SHANK2: variants seen among roughly 807,000 people sequenced by gnomAD.
SHANK2 encodes the protein SH3 and multiple ankyrin repeat domains protein 2.
SHANK2 carries 43 observed loss-of-function variants against 133.7 expected under a neutral mutation model. That is an observed-to-expected ratio of 0.32 (90% CI 0.25 to 0.41). The LOEUF is 0.41. SHANK2 is among the 10% of genes least tolerant of loss of function. SHANK2 has a pLI of 1.00. For missense variants in SHANK2, 1,994 were observed against 2,235.8 expected, an observed-to-expected ratio of 0.89 and a Z score of 2.18; for synonymous variants, 1,017 against 952.8, an observed-to-expected ratio of 1.07 and a Z score of -1.24.
At chr11:71,136,812 G>A (rs1205925352) in intron 3 of SHANK2, among the ~76,000 whole-genome samples, 2 of 152,218 alleles carry the variant, frequency 1.3e-5, no homozygotes, top group African/African-American at 4.8e-5. Context: ...ACACCAGGAT[G>A]GTGGTGACAG....
At chr11:70,829,116 G>A (rs537214176) in intron 11 of SHANK2, among the ~76,000 whole-genome samples, 2 of 152,148 alleles carry the variant, frequency 1.3e-5, no homozygotes, top group East Asian at 3.9e-4. Flanking sequence ...CACCTCCCTG[G>A]GACCATGTGA....
chr11:70,922,319 A>G (rs2135765143), intron 10 of SHANK2, among the ~76,000 whole-genome samples: 1 of 7,106 alleles, frequency 1.4e-4, no homozygotes, highest in Non-Finnish European at 8.9e-3. Context: ...CAAATCCTAG[A>G]AGGAGAGATG....
chr11:70,663,100 C>T (rs372911483), intron 15 of SHANK2, among the ~76,000 whole-genome samples: 146 of 152,268 alleles, frequency 9.6e-4, no homozygotes, highest in African/African-American at 3.3e-3. Flanking sequence ...GCCAGCGGCC[C>T]AGCCGGAAAA....
At chr11:70,839,402 C>A (rs1555060967) in intron 11 of SHANK2, among the ~76,000 whole-genome samples, 1 of 152,220 alleles carries the variant, frequency 6.6e-6, no homozygotes, top group African/African-American at 2.4e-5. Flanking sequence ...CCAGCGCAGT[C>A]TCCCCAGGTC....
Position 71,092,539 on chromosome 11 carries a change from G to A in SHANK2, c.795C>T (p.Leu265=). 6.4e-7 allele frequency: 1 copy of A among 1,551,932 alleles called. No homozygotes were observed. Among genetic ancestry groups the A allele is most frequent in the Non-Finnish European group, 8.7e-7 (1 of 1,147,054 alleles). Residue 265 remains leucine (L), a synonymous_variant, in exon 8 of 26, where the codon CTC becomes CTT. Coordinates refer to ENST00000601538, the MANE Select transcript of SHANK2 (RefSeq NM_012309.5). ...CGATGGCTGTGTGATACAGCGGGGT[G>A]AGGCCGTAACTGTCTTTATAATCTG... The part of the protein sequence containing the change: ...ASPDYKDSYG[L]TPLYHTAIVG...
chr11:71,175,026 T>G lies in SHANK2; in HGVS notation c.-12-27688A>C, dbSNP rs1214696496. On this transcript the variant is annotated intron_variant, in intron 2 of 25. Coordinates refer to ENST00000601538, the MANE Select transcript of SHANK2 (RefSeq NM_012309.5). The surrounding 1 kb of genome is among the most constrained non-coding windows in gnomAD (Gnocchi z 4.2). ...CCCTCCTCCTCTCCCAGTTTACATG[T>G]CATGCTCTCAGATAAGCCTTCCCCG... Among the ~76,000 whole-genome samples the G allele has an allele frequency of 6.6e-6, 1 of 152,108 alleles. No homozygotes were observed. Among genetic ancestry groups the G allele is most frequent in the African/African-American group, 2.4e-5 (1 of 41,424 alleles).
intron 14 of SHANK2, among the ~76,000 whole-genome samples, chr11:70,775,979 G>C (rs1947356952): frequency 6.6e-6 from 1 of 152,228 alleles, no homozygotes. Context: ...ATGCTCTGGA[G>C]GTTGCAGCGG....
Position 71,252,301 on chromosome 11 carries a change from C to G in SHANK2, c.-113+124G>C, listed in dbSNP as rs988736254. ...TCTCTGGGTCCAGGACTGCGCTTACCCGGTAGTTGGTGCTCCCGGAATCGA... is the reference window on the plus strand; with the variant it reads ...TCTCTGGGTCCAGGACTGCGCTTACGCGGTAGTTGGTGCTCCCGGAATCGA... On this transcript the variant is annotated intron_variant, in intron 1 of 25. Coordinates refer to ENST00000601538, the MANE Select transcript of SHANK2 (RefSeq NM_012309.5). The surrounding 1 kb of genome is among the most constrained non-coding windows in gnomAD (Gnocchi z 6.3). 1.3e-5 allele frequency: 2 copies of G among 152,256 alleles called. No homozygotes were observed. The highest frequency in any genetic ancestry group is 2.4e-5 in the African/African-American group (1 of 41,448). 9.4% of individuals were successfully genotyped at this position (152,256 alleles called of 1,614,324 possible).
chr11:70,811,147 A>T (rs1387066183), intron 12 of SHANK2, among the ~76,000 whole-genome samples: 2 of 152,042 alleles, frequency 1.3e-5, no homozygotes, highest in African/African-American at 4.8e-5. Flanking sequence ...CTTCCTCCCG[A>T]GGGGAAAGGG....
intron 11 of SHANK2, among the ~76,000 whole-genome samples, chr11:70,880,915 A>G (rs1949649353): frequency 1.3e-5 from 2 of 152,246 alleles, no homozygotes; most frequent in South Asian, 4.1e-4. Flanking sequence ...GAGTCATGAG[A>G]CTAAGCAGGG....
chr11:70,777,396 T>C (rs996490669), intron 14 of SHANK2, among the ~76,000 whole-genome samples: 4 of 150,354 alleles, frequency 2.7e-5, no homozygotes, highest in Non-Finnish European at 5.9e-5. Context: ...TGTATTCATC[T>C]ACCCATCCAC....
intron 1 of SHANK2, among the ~76,000 whole-genome samples, chr11:71,248,395 C>T (rs76233609): frequency 0.014 from 2,107 of 152,334 alleles, 66 homozygotes; most frequent in African/African-American, 0.048. Flanking sequence ...CGCTGCCTGG[C>T]GGCTTTCTCC....
At chr11:71,072,167 A>T (rs1029099967) in intron 9 of SHANK2, among the ~76,000 whole-genome samples, 17 of 152,190 alleles carry the variant, frequency 1.1e-4, no homozygotes, top group Non-Finnish European at 2.2e-4. Context: ...CTCCTAAAGC[A>T]GTGCCTGCAC....
chr11:70,881,893 G>T (rs966375727), intron 11 of SHANK2, among the ~76,000 whole-genome samples: 3 of 151,770 alleles, frequency 2.0e-5, no homozygotes, highest in Non-Finnish European at 2.9e-5. Flanking sequence ...TTTATTTTTT[G>T]TAGAGATAGG....
chr11:70,481,058 C>T (rs1431401201), intron 25 of SHANK2, among the ~76,000 whole-genome samples: 2 of 152,216 alleles, frequency 1.3e-5, no homozygotes, highest in African/African-American at 2.4e-5. Context: ...GTTTCCTTCA[C>T]TTTGATCCAG....
intron 17 of SHANK2, among the ~76,000 whole-genome samples, chr11:70,655,919 A>G (rs1321475687): frequency 1.3e-5 from 2 of 152,120 alleles, no homozygotes; most frequent in African/African-American, 4.8e-5. Context: ...ATTCTGATTC[A>G]GGGCGTGTGG....
At chr11:70,533,939 A>G (rs1448787458) in intron 17 of SHANK2, among the ~76,000 whole-genome samples, 2 of 151,990 alleles carry the variant, frequency 1.3e-5, no homozygotes, top group Non-Finnish European at 2.9e-5. Context: ...ACGTCTCATC[A>G]CTTTCTTCCT....
chr11:71,229,594 C>A (rs900009797), intron 1 of SHANK2, among the ~76,000 whole-genome samples: 5 of 151,558 alleles, frequency 3.3e-5, no homozygotes, highest in African/African-American at 4.8e-5. Context: ...CATGGTGAAA[C>A]CCCGTCTCTA....
At chr11:70,879,090 C>T (rs570868390) in intron 11 of SHANK2, among the ~76,000 whole-genome samples, 12 of 152,170 alleles carry the variant, frequency 7.9e-5, no homozygotes, top group African/African-American at 2.7e-4. Context: ...GTCCTAAGGA[C>T]GAGGGTATAC....
Sources: gnomAD v4.1 joint callset for allele counts (sites outside exome capture counted in the v4.1 genomes callset) on GRCh38, gnomAD v4.1.1 for gene constraint, Gnocchi (gnomAD v3.1) non-coding constraint, MANE v1.5 for transcripts, NCBI Gene and HGNC (gene_info 2026-07-23, HGNC 2026-07-21) for gene names.